Variants in BCL11B observed in about 807,000 individuals in gnomAD.
BCL11B encodes BCL11 transcription factor B.
Under a neutral mutation model 49.9 loss-of-function variants are expected in BCL11B, and 8 were observed. The observed-to-expected ratio is 0.16, with a 90% CI of 0.09 to 0.29. BCL11B has a LOEUF of 0.29. Ranked by LOEUF, BCL11B falls within the 10% of genes least tolerant of loss-of-function variation. BCL11B has a pLI of 1.00. For synonymous variants in BCL11B, 739 were observed against 637.4 expected (o/e 1.16, Z -2.40); for missense variants, 1,006 against 1,351.0 (o/e 0.74, Z 4.00).
At position 99,192,634 on chromosome 14, in the gene BCL11B, C is replaced by G. The variant is rs1040081653; in HGVS notation, c.641-16439G>C. Among the ~76,000 whole-genome samples, 1 of 152,100 alleles carries G rather than the reference C, an allele frequency of 6.6e-6. No homozygotes were observed. The highest frequency in any genetic ancestry group is 2.4e-5 in the African/African-American group (1 of 41,404). On this transcript the variant is annotated intron_variant, in intron 3 of 3. Coordinates refer to ENST00000357195, the MANE Select transcript of BCL11B (RefSeq NM_138576.4). The surrounding 1 kb of genome is among the most constrained non-coding windows in gnomAD (Gnocchi z 4.0). ...GTTTGGATGGGAAGGGACATGGCAACTTGGGAACCACACTGGGGCTGGGGC... is the reference window on the plus strand; with the variant it reads ...GTTTGGATGGGAAGGGACATGGCAAGTTGGGAACCACACTGGGGCTGGGGC...
intron 3 of BCL11B, among the ~76,000 whole-genome samples, chr14:99,183,321 A>G (rs1363719551): frequency 6.6e-6 from 1 of 152,166 alleles, no homozygotes; most frequent in Non-Finnish European, 1.5e-5. Flanking sequence ...TAGTGACCTT[A>G]GCTTATTTAT....
At chr14:99,267,275 A>C (rs546231081) in intron 1 of BCL11B, among the ~76,000 whole-genome samples, 9 of 152,252 alleles carry the variant, frequency 5.9e-5, no homozygotes, top group Non-Finnish European at 8.8e-5. Context: ...CCCATCAAAA[A>C]AAAAGAAAAG....
At chr14:99,246,074 C>G (rs965347729) in intron 2 of BCL11B, among the ~76,000 whole-genome samples, 18 of 152,110 alleles carry the variant, frequency 1.2e-4, no homozygotes, top group African/African-American at 1.2e-4. Context: ...CCCCCGCCCC[C>G]CAAAGCAAAA....
intron 2 of BCL11B, among the ~76,000 whole-genome samples, chr14:99,237,940 T>A (rs1888552374): frequency 6.6e-6 from 1 of 151,884 alleles, no homozygotes; most frequent in Non-Finnish European, 1.5e-5. Context: ...CTGCAGGAAG[T>A]GAGGTGGGTT....
At chr14:99,214,332 C>G (rs144123955) in intron 3 of BCL11B, among the ~76,000 whole-genome samples, 5 of 152,234 alleles carry the variant, frequency 3.3e-5, no homozygotes, top group Non-Finnish European at 7.4e-5. Context: ...GAGAGAGGAT[C>G]ATTTGAGGCC....
chr14:99,174,577 G>T lies in BCL11B; in HGVS notation c.2259C>A (p.Ser753=). Residue 753 remains serine (S), a synonymous_variant, in exon 4 of 4, where the codon TCC becomes TCA. Coordinates refer to ENST00000357195, the MANE Select transcript of BCL11B (RefSeq NM_138576.4). The stretch of plus-strand genomic sequence containing the variant: ...CGTCCAGCAGGTCCCCGGGCGGCGT[G>T]GAGAAGCGCAGGCTGCCGTTCTCGG... ...HSSENGSLRF[S]TPPGDLLDGG... The T allele has an allele frequency of 6.6e-7, 1 of 1,521,650 alleles. No individual in the cohort carries two copies. The highest frequency in any genetic ancestry group is 8.8e-7 in the Non-Finnish European group (1 of 1,137,430). 94.3% of individuals were successfully genotyped at this position (1,521,650 alleles called of 1,614,324 possible).
rs201298258 is a variant in BCL11B, at chr14:99,231,438, G to A, written c.547C>T (p.Leu183=). 3 of 1,596,734 alleles carry A rather than the reference G, an allele frequency of 1.9e-6. No homozygotes were observed. Among genetic ancestry groups the A allele is most frequent in the Non-Finnish European group, 1.7e-6 (2 of 1,171,192 alleles). ...ACCGGGCGCGCGCTGCAGCACGGCA[G>A]GGGGAGGCAGGGCGGGAGAGCGCCC... ...ALGALPPCLP[L]PCCSARPVSG... The change falls in exon 3 of 4, where the codon CTG becomes TTG. Residue 183 remains leucine, a synonymous_variant. Transcript: ENST00000357195. The surrounding 1 kb of genome is among the most constrained non-coding windows in gnomAD (Gnocchi z 8.1).
intron 3 of BCL11B, among the ~76,000 whole-genome samples, chr14:99,212,114 G>T (rs945411666): frequency 6.6e-6 from 1 of 152,076 alleles, no homozygotes; most frequent in Non-Finnish European, 1.5e-5. Flanking sequence ...TTTCCAGGAG[G>T]TGCCATCAAC....
At chr14:99,187,987 C>A (rs2139789464) in intron 3 of BCL11B, among the ~76,000 whole-genome samples, 1 of 152,242 alleles carries the variant, frequency 6.6e-6, no homozygotes, top group African/African-American at 2.4e-5. Context: ...AGCCTCGATA[C>A]CGAGTTATAT....
chr14:99,193,286 G>T (rs564503493), intron 3 of BCL11B, among the ~76,000 whole-genome samples: 6 of 152,112 alleles, frequency 3.9e-5, no homozygotes, highest in African/African-American at 1.4e-4. Context: ...GAAAGGCCCC[G>T]CTAATACACA....
intron 2 of BCL11B, among the ~76,000 whole-genome samples, chr14:99,250,237 G>T (rs941625278): frequency 1.3e-5 from 2 of 151,546 alleles, no homozygotes; most frequent in African/African-American, 2.4e-5. Flanking sequence ...GAGTTTCACC[G>T]TGTTAGCCAG....
rs1886377403 is a variant in BCL11B at position 99,173,970 on chromosome 14, A to T, written c.*181T>A. ...AAGGCTCCACAATTTGTACTGCCTT[A>T]ATCAACCCTCGGGTTTCCATAGGAC... is the stretch of plus-strand genomic sequence containing the variant. On this transcript the variant is annotated 3_prime_UTR_variant, in exon 4 of 4. Transcript: ENST00000357195. The T allele has an allele frequency of 1.6e-6, 1 of 613,948 alleles. No homozygotes were observed. The allele number at this position is 613,948 out of a possible 1,614,324, so 38.0% of individuals were successfully genotyped here.
At chr14:99,185,070 A>G (rs1489875293) in intron 3 of BCL11B, among the ~76,000 whole-genome samples, 1 of 152,168 alleles carries the variant, frequency 6.6e-6, no homozygotes, top group Non-Finnish European at 1.5e-5. Flanking sequence ...TAAACTGTAG[A>G]CACAGAGAAT....
At chr14:99,210,863 G>C (rs974645935) in intron 3 of BCL11B, among the ~76,000 whole-genome samples, 9 of 152,082 alleles carry the variant, frequency 5.9e-5, no homozygotes, top group Admixed American at 3.9e-4. Flanking sequence ...ACTTGGGGCC[G>C]CAGAGCCCTG....
intron 1 of BCL11B, among the ~76,000 whole-genome samples, chr14:99,261,553 C>G (rs1437701754): frequency 6.6e-6 from 1 of 152,146 alleles, no homozygotes; most frequent in Non-Finnish European, 1.5e-5. Context: ...AACAGTCTTT[C>G]AAATTCCCAG....
In BCL11B at chr14:99,175,735, G is replaced by A; in HGVS notation, c.1101C>T (p.Leu367=). 1 of 1,479,334 alleles carries A rather than the reference G, an allele frequency of 6.8e-7. No individual in the cohort carries two copies. Among genetic ancestry groups the A allele is most frequent in the Non-Finnish European group, 8.8e-7 (1 of 1,130,914 alleles). 91.6% of individuals were successfully genotyped at this position (1,479,334 alleles called of 1,614,324 possible). Residue 367 remains leucine (L), a synonymous_variant, in exon 4 of 4, where the codon CTC becomes CTT. Transcript: ENST00000357195. ...TGGAGCTGTTGCCCGCCAGCTCGCGGAGCCGCCGCGAGAAGTCCATGGCGG... is the reference window on the plus strand; with the variant it reads ...TGGAGCTGTTGCCCGCCAGCTCGCGAAGCCGCCGCGAGAAGTCCATGGCGG... ...DSPAMDFSRR[L]RELAGNSSTP...
intron 1 of BCL11B, among the ~76,000 whole-genome samples, chr14:99,269,790 C>A (rs1889601625): frequency 6.6e-6 from 1 of 150,504 alleles, no homozygotes; most frequent in Non-Finnish European, 1.5e-5. Context: ...CGGCCCCAGC[C>A]CGGCGAGGTG....
chr14:99,183,446 A>C (rs1886766891), intron 3 of BCL11B, among the ~76,000 whole-genome samples: 2 of 152,076 alleles, frequency 1.3e-5, no homozygotes, highest in African/African-American at 4.8e-5. Flanking sequence ...GCACTTCAGG[A>C]CTGCCAGCGG....
At position 99,176,119 on chromosome 14, in the gene BCL11B, G is replaced by A. The variant is rs775384332; in HGVS notation, c.717C>T (p.His239=). ...PFNSAWFLLQ[H]AQNTHGFRIY... ...TGCGGAAGCCGTGCGTGTTCTGCGC[G>A]TGCTGCAGCAGGAACCACGCGCTGT... Residue 239 remains histidine (H), a synonymous_variant, in exon 4 of 4, where the codon CAC becomes CAT. Coordinates refer to ENST00000357195, the MANE Select transcript of BCL11B (RefSeq NM_138576.4). The A allele has an allele frequency of 5.6e-6, 9 of 1,611,192 alleles. No individual in the cohort carries two copies. The highest frequency in any genetic ancestry group is 1.3e-5 in the African/African-American group (1 of 74,576).
Sources: allele counts gnomAD v4.1 joint callset (sites outside exome capture counted in the v4.1 genomes callset), GRCh38; gene constraint gnomAD v4.1.1; non-coding constraint Gnocchi (gnomAD v3.1); transcripts MANE v1.5; gene names NCBI Gene and HGNC (gene_info 2026-07-23, HGNC 2026-07-21).